The following DENND4A variants were observed in gnomAD, a reference collection of about 807,000 sequenced individuals.
The protein encoded by DENND4A is C-myc promoter-binding protein.
Under a neutral mutation model 199.3 loss-of-function variants are expected in DENND4A, and 70 were observed. The observed-to-expected ratio is 0.35, with a 90% confidence interval of 0.29 to 0.43. DENND4A has a LOEUF of 0.43. Among genes scored for constraint, DENND4A ranks in the 20% least tolerant of loss-of-function variants. The pLI is 1.00. For synonymous variants in DENND4A, 686 were observed against 766.9 expected, an observed-to-expected ratio of 0.89 and a Z score of 1.74; for missense variants, 1,723 against 2,255.8, an observed-to-expected ratio of 0.76 and a Z score of 4.78.
intron 24 of DENND4A, among the ~76,000 whole-genome samples, chr15:65,675,703 C>T (rs1247138226): frequency 4.6e-5 from 7 of 152,102 alleles, no homozygotes; most frequent in Non-Finnish European, 1.0e-4. Context: ...ACATTCCTCA[C>T]CTATCAGATG....
chr15:65,695,304 A>G (rs1291180824), intron 22 of DENND4A, among the ~76,000 whole-genome samples: 1 of 152,240 alleles, frequency 6.6e-6, no homozygotes, highest in Non-Finnish European at 1.5e-5. Flanking sequence ...AAAAACAGCC[A>G]GAGATAATAC....
intron 14 of DENND4A, among the ~76,000 whole-genome samples, chr15:65,711,976 T>TA (rs147840095): frequency 0.016 from 2,442 of 152,326 alleles, 38 homozygotes; most frequent in Middle Eastern, 0.027. Context: ...TATAAAAATT[T>TA]AACACGTATT....
intron 2 of DENND4A, among the ~76,000 whole-genome samples, chr15:65,759,138 G>C (rs1046299731): frequency 1.3e-4 from 20 of 152,126 alleles, no homozygotes; most frequent in Admixed American, 4.6e-4. Context: ...CTTGGAATCT[G>C]TATTCATCAC....
intron 27 of DENND4A, among the ~76,000 whole-genome samples, chr15:65,668,395 G>C (rs1157219331): frequency 6.6e-6 from 1 of 152,060 alleles, no homozygotes; most frequent in East Asian, 1.9e-4. Flanking sequence ...TTTTAGTAGA[G>C]ATGGGGTTTT....
At chr15:65,727,856 C>G (rs1293721703) in intron 11 of DENND4A, 1 of 392,144 alleles carries the variant, frequency 2.6e-6, no homozygotes, top group East Asian at 8.1e-5. Flanking sequence ...GTTCCGATAG[C>G]TATAACTTAC....
chr15:65,714,773 G>C (rs1031676623), intron 14 of DENND4A, among the ~76,000 whole-genome samples: 1 of 152,106 alleles, frequency 6.6e-6, no homozygotes, highest in African/African-American at 2.4e-5. Context: ...CCCTGAACAT[G>C]GATACCCTCT....
intron 22 of DENND4A, among the ~76,000 whole-genome samples, chr15:65,693,264 A>G (rs1209370404): frequency 2.6e-5 from 4 of 152,148 alleles, no homozygotes; most frequent in Admixed American, 6.6e-5. Flanking sequence ...TTTCCTGAAA[A>G]AAGAAATAGA....
chr15:65,739,104 G>T (rs1325738662), intron 5 of DENND4A, among the ~76,000 whole-genome samples: 2 of 152,042 alleles, frequency 1.3e-5, no homozygotes, highest in African/African-American at 4.8e-5. Flanking sequence ...ATCTATAAAG[G>T]CTATGTTAAA....
At chr15:65,745,058 A>G (rs2076353905) in intron 4 of DENND4A, among the ~76,000 whole-genome samples, 1 of 152,202 alleles carries the variant, frequency 6.6e-6, no homozygotes, top group Admixed American at 6.5e-5. Flanking sequence ...TCAAGTTCTC[A>G]TTTAGATGTA....
At chr15:65,769,428 A>G (rs74021826) in intron 1 of DENND4A, among the ~76,000 whole-genome samples, 38 of 152,344 alleles carry the variant, frequency 2.5e-4, no homozygotes, top group African/African-American at 8.9e-4. Context: ...TATGAAAACT[A>G]TAAAATGTAG....
chr15:65,746,194 G>C (rs1053277766), intron 4 of DENND4A, among the ~76,000 whole-genome samples: 3 of 151,170 alleles, frequency 2.0e-5, no homozygotes, highest in Non-Finnish European at 4.4e-5. Context: ...TACACACAAG[G>C]TTCAAGGTGA....
chr15:65,671,538 T>C (rs780861442), intron 25 of DENND4A, among the ~76,000 whole-genome samples: 5 of 152,170 alleles, frequency 3.3e-5, no homozygotes, highest in Non-Finnish European at 5.9e-5. Flanking sequence ...TACAGGTGCC[T>C]GCCACCATGC....
intron 13 of DENND4A, among the ~76,000 whole-genome samples, chr15:65,716,894 C>T (rs995942538): frequency 1.3e-5 from 2 of 152,026 alleles, no homozygotes; most frequent in Admixed American, 6.6e-5. Context: ...TCTCCACATC[C>T]TCTCCAGCAC....
chr15:65,746,384 T>C (rs1193982642), intron 4 of DENND4A, among the ~76,000 whole-genome samples: 1,444 of 119,736 alleles, frequency 0.012, 45 homozygotes, highest in African/African-American at 0.045. Context: ...TTTTTTTTTT[T>C]TTTTTTTTTT....
intron 29 of DENND4A, 137 bp from the exon 30 acceptor site, chr15:65,665,599 T>G (rs1387531131): frequency 1.7e-6 from 1 of 576,944 alleles, no homozygotes; most frequent in Admixed American, 3.4e-5. Flanking sequence ...CTGATTTATC[T>G]ACATTTGATA....
At chr15:65,779,447 CAAAA>C (rs201529484) in intron 1 of DENND4A, among the ~76,000 whole-genome samples, 1 of 64,674 alleles carries the variant, frequency 1.5e-5, no homozygotes. Context: ...GACTCTGTCT[CAAAA>C]AAAAAAAAAA....
intron 23 of DENND4A, among the ~76,000 whole-genome samples, chr15:65,681,485 G>C (rs2076571927): frequency 6.6e-6 from 1 of 151,914 alleles, no homozygotes; most frequent in Admixed American, 6.6e-5. Flanking sequence ...CTTGATCCAT[G>C]GGCTGCAGAA....
At chr15:65,780,371 T>C (rs1470368676) in intron 1 of DENND4A, among the ~76,000 whole-genome samples, 1 of 152,224 alleles carries the variant, frequency 6.6e-6, no homozygotes, top group Non-Finnish European at 1.5e-5. Context: ...GTAAAGGGCA[T>C]TCCTAGAGTT....
At chr15:65,736,252 G>T (rs72741257) in intron 7 of DENND4A, among the ~76,000 whole-genome samples, 32,419 of 151,706 alleles carry the variant, frequency 0.21, 3,937 homozygotes, top group African/African-American at 0.33. Flanking sequence ...CAGAACAATA[G>T]ATTTTTTTAT....
Sources: gnomAD v4.1 joint callset for allele counts (sites outside exome capture counted in the v4.1 genomes callset) on GRCh38, gnomAD v4.1.1 for gene constraint, MANE v1.5 for transcripts, NCBI Gene and HGNC (gene_info 2026-07-23, HGNC 2026-07-21) for gene names.